Variants in CTNNA2 observed in about 807,000 individuals in gnomAD.
CTNNA2 encodes the protein catenin alpha 2.
A neutral mutation model predicts 101.0 loss-of-function variants in CTNNA2; 42 were observed. The ratio of observed to expected loss-of-function variants is 0.42; its 90% confidence interval spans 0.32 to 0.54. CTNNA2 has a LOEUF of 0.54. CTNNA2 is among the 20% of genes least tolerant of loss of function. CTNNA2 has a pLI of 0.14. For missense variants in CTNNA2, 871 were observed against 1,223.1 expected (o/e 0.71, Z 4.29); for synonymous variants, 450 against 456.4 (o/e 0.99, Z 0.18).
intron 7 of CTNNA2, among the ~76,000 whole-genome samples, chr2:80,369,221 C>T (rs1433501566): frequency 1.3e-5 from 2 of 151,944 alleles, no homozygotes; most frequent in Non-Finnish European, 2.9e-5. Context: ...GGATTTTAAA[C>T]GTTTTAGGTT....
At chr2:79,725,665 C>T (rs1391538537) in intron 2 of CTNNA2, among the ~76,000 whole-genome samples, 1 of 152,130 alleles carries the variant, frequency 6.6e-6, no homozygotes, top group African/African-American at 2.4e-5. Context: ...TTGTCATTTC[C>T]TGTCCTCTTT....
At chr2:80,360,428 C>T (rs139609463) in intron 7 of CTNNA2, among the ~76,000 whole-genome samples, 74 of 151,878 alleles carry the variant, frequency 4.9e-4, no homozygotes, top group African/African-American at 1.3e-3. Flanking sequence ...TTTACACATC[C>T]GAGCAGTATA....
intron 12 of CTNNA2, among the ~76,000 whole-genome samples, chr2:80,564,186 C>A (rs1006889570): frequency 2.6e-5 from 4 of 152,114 alleles, no homozygotes; most frequent in African/African-American, 9.7e-5. Context: ...TTTATTACAT[C>A]TTAATGCAAT....
intron 3 of CTNNA2, among the ~76,000 whole-genome samples, chr2:79,795,633 A>G (rs1178168618): frequency 2.0e-5 from 3 of 152,170 alleles, no homozygotes. Flanking sequence ...CATGTTTTAT[A>G]CAGGCTACAT....
intron 4 of CTNNA2, among the ~76,000 whole-genome samples, chr2:79,374,420 G>GGACT (rs1160606174): frequency 6.6e-6 from 1 of 152,106 alleles, no homozygotes. Flanking sequence ...ACTGATTCAT[G>GGACT]GACTGACATG....
intron 7 of CTNNA2, chr2:80,162,318 A>C (rs2148947212): frequency 1.1e-6 from 1 of 900,334 alleles, no homozygotes; most frequent in South Asian, 2.1e-5. Context: ...CTGTAGCTTT[A>C]AAAAAATGTA....
chr2:80,273,081 C>T (rs556515708), intron 7 of CTNNA2, among the ~76,000 whole-genome samples: 7 of 152,202 alleles, frequency 4.6e-5, no homozygotes, highest in South Asian at 4.1e-4. Context: ...TGTACTCACA[C>T]GCCTGGCAGA....
intron 7 of CTNNA2, among the ~76,000 whole-genome samples, chr2:80,234,144 T>C (rs1024418899): frequency 2.0e-5 from 3 of 152,042 alleles, no homozygotes; most frequent in Admixed American, 6.6e-5. Context: ...CCTCCCTGGT[T>C]CAAGCAATTC....
chr2:79,992,580 A>T (rs1692257387), intron 7 of CTNNA2, among the ~76,000 whole-genome samples: 1 of 152,172 alleles, frequency 6.6e-6, no homozygotes, highest in Admixed American at 6.6e-5. Flanking sequence ...CTAATGTAAG[A>T]TCTGGGGAAG....
intron 7 of CTNNA2, among the ~76,000 whole-genome samples, chr2:80,169,155 C>T (rs1476264753): frequency 9.9e-5 from 15 of 152,216 alleles, no homozygotes; most frequent in African/African-American, 3.1e-4. Context: ...TTTGTGGGGC[C>T]TCTTGCCTGG....
intron 3 of CTNNA2, among the ~76,000 whole-genome samples, chr2:79,335,516 C>T (rs1676974785): frequency 6.6e-6 from 1 of 152,186 alleles, no homozygotes; most frequent in Non-Finnish European, 1.5e-5. Flanking sequence ...AATTCACTTC[C>T]TCAATTTCCT....
At chr2:79,925,733 C>T (rs1346299757) in intron 7 of CTNNA2, among the ~76,000 whole-genome samples, 3 of 152,104 alleles carry the variant, frequency 2.0e-5, no homozygotes, top group East Asian at 3.9e-4. Flanking sequence ...CTCTGTCCCC[C>T]AGATCTGTTT....
intron 3 of CTNNA2, among the ~76,000 whole-genome samples, chr2:79,853,567 T>G (rs889756175): frequency 6.6e-6 from 1 of 152,178 alleles, no homozygotes; most frequent in Non-Finnish European, 1.5e-5. Context: ...CCACAGGATA[T>G]TTGTGCCATT....
intron 15 of CTNNA2, among the ~76,000 whole-genome samples, chr2:80,593,432 T>C (rs1696684190): frequency 6.6e-6 from 1 of 152,168 alleles, no homozygotes; most frequent in Admixed American, 6.5e-5. Flanking sequence ...TGTAGCTCAT[T>C]TTGACTTGTG....
intron 7 of CTNNA2, among the ~76,000 whole-genome samples, chr2:80,056,486 C>T (rs777483678): frequency 3.9e-5 from 6 of 152,170 alleles, no homozygotes; most frequent in Non-Finnish European, 5.9e-5. Flanking sequence ...ATTTCCCAGA[C>T]GTTGCCCATA....
intron 7 of CTNNA2, among the ~76,000 whole-genome samples, chr2:80,216,392 T>G (rs1708271295): frequency 6.6e-6 from 1 of 152,198 alleles, no homozygotes; most frequent in Admixed American, 6.5e-5. Flanking sequence ...CACAGCAGTT[T>G]AATTAATATG....
chr2:80,467,836 G>A (rs1684981895), intron 9 of CTNNA2, among the ~76,000 whole-genome samples: 1 of 152,100 alleles, frequency 6.6e-6, no homozygotes, highest in South Asian at 2.1e-4. Flanking sequence ...TGAAAATATA[G>A]CAAGAGTGAG....
chr2:79,597,543 G>C (rs948578065), intron 1 of CTNNA2, among the ~76,000 whole-genome samples: 4 of 151,950 alleles, frequency 2.6e-5, no homozygotes, highest in African/African-American at 7.3e-5. Context: ...GTGGGACTGT[G>C]GCCGTGATAG....
intron 3 of CTNNA2, among the ~76,000 whole-genome samples, chr2:79,325,393 G>T (rs767548543): frequency 6.6e-5 from 10 of 152,134 alleles, no homozygotes; most frequent in Non-Finnish European, 2.9e-5. Flanking sequence ...CCAAGAGTTC[G>T]TACAAAAATA....
Sources: allele counts gnomAD v4.1 joint callset (sites outside exome capture counted in the v4.1 genomes callset), GRCh38; gene constraint gnomAD v4.1.1; transcripts MANE v1.5; gene names NCBI Gene and HGNC (gene_info 2026-07-23, HGNC 2026-07-21).